The following BPTF variants were observed in gnomAD, a reference collection of about 807,000 sequenced individuals.
BPTF encodes bromodomain PHD finger transcription factor, also known as nucleosome-remodeling factor subunit BPTF.
A neutral mutation model predicts 292.5 loss-of-function variants in BPTF; 18 were observed. That is an observed-to-expected ratio of 0.06 (90% CI 0.04 to 0.09). The LOEUF (loss-of-function observed/expected upper bound fraction) is 0.09. Among genes scored for constraint, BPTF ranks in the 10% least tolerant of loss-of-function variants. The probability of loss-of-function intolerance (pLI) is 1.00; values close to 1 mark genes in which losing one functional copy is unlikely to be tolerated. For synonymous variants in BPTF, 1,225 were observed against 1,251.9 expected (o/e 0.98, Z 0.45); for missense variants, 2,726 against 3,498.7 (o/e 0.78, Z 5.57).
chr17:67,871,549 C>A lies in BPTF; in HGVS notation c.1661-3268C>A, dbSNP rs184621433. Among the ~76,000 whole-genome samples, 5 of 151,392 alleles carry A rather than the reference C, an allele frequency of 3.3e-5. No homozygotes were observed. In the East Asian group the frequency reaches 9.7e-4, roughly 29 times the overall value. ...ATACAGCTTACTATATTTGCTTTAT[C>A]CTATGCCTGTATGGTAATTATGAAA... On this transcript the variant is annotated intron_variant, in intron 3 of 27. Transcript: ENST00000306378.
intron 26 of BPTF, among the ~76,000 whole-genome samples, chr17:67,969,343 T>G (rs1555689408): frequency 6.9e-6 from 1 of 145,298 alleles, no homozygotes; most frequent in Admixed American, 7.2e-5. Context: ...ACCCAGCTAC[T>G]AAGGAGGCTG....
At chr17:67,943,977 A>G (rs1448396409) in intron 19 of BPTF, among the ~76,000 whole-genome samples, 173 bp from the exon 20 acceptor site, 4 of 152,184 alleles carry the variant, frequency 2.6e-5, no homozygotes, top group African/African-American at 9.7e-5. Flanking sequence ...TGTTTTTCCT[A>G]CTAAGCAACA....
chr17:67,865,195 G>T (rs1319920351), intron 2 of BPTF, among the ~76,000 whole-genome samples: 1 of 152,108 alleles, frequency 6.6e-6, no homozygotes, highest in Non-Finnish European at 1.5e-5. Flanking sequence ...TTTGGATCTT[G>T]GAGCATTTTG....
chr17:67,883,316 AAATAATAAT>A (rs147586034), intron 4 of BPTF, among the ~76,000 whole-genome samples: 1 of 151,828 alleles, frequency 6.6e-6, no homozygotes, highest in Non-Finnish European at 1.5e-5. Context: ...ACTCCATCTA[AAATAATAAT>A]AATAATAATA....
intron 20 of BPTF, among the ~76,000 whole-genome samples, chr17:67,945,191 A>G (rs1555673848): frequency 6.6e-6 from 1 of 151,862 alleles, no homozygotes; most frequent in African/African-American, 2.4e-5. Context: ...ATGCTCCACT[A>G]TGCTCAGATA....
chr17:67,946,195 G>T lies in BPTF; in HGVS notation c.7487G>T (p.Ser2496Ile). The change falls in exon 21 of 28, where the codon AGT becomes ATT. Residue 2496 changes from serine to isoleucine, a missense_variant. Physicochemically the swap from Ser to Ile is moderately radical, Grantham distance 142. Coordinates refer to ENST00000306378, the MANE Select transcript of BPTF (RefSeq NM_182641.4). ...IQNVVTVQAA[S>I]VQEQLQRVQQ... is the part of the protein sequence containing the mutation. ...AATGTGGTTACAGTGCAGGCAGCCA[G>T]TGTGCAAGAGCAGTTGCAAAGGGTT... 1 of 1,614,234 alleles carries T rather than the reference G, an allele frequency of 6.2e-7. No homozygotes were observed. Among genetic ancestry groups the T allele is most frequent in the Non-Finnish European group, 8.5e-7 (1 of 1,180,040 alleles).
rs757688706 is a variant in BPTF, at chr17:67,891,866, G to T, written c.1887G>T (p.Lys629Asn). 1.2e-6 allele frequency: 2 copies of T among 1,604,312 alleles called. No individual in the cohort carries two copies. The highest frequency in any genetic ancestry group is 1.1e-5 in the South Asian group (1 of 89,212). Residue 629 changes from lysine to asparagine, a missense_variant, in exon 5 of 28, where the codon AAG (lysine) becomes AAT (asparagine). Coordinates refer to ENST00000306378, the MANE Select transcript of BPTF (RefSeq NM_182641.4). ...KSEVGDFKSE[K>N]SNGELSESPG... ...CAGTAGGTGATTTCAAATCGGAGAA[G>T]TCCAACGGGGAGCTAAGTGAATCTC...
At position 67,825,736 on chromosome 17, in the gene BPTF, G is replaced by A; in HGVS notation, c.12G>A (p.Arg4=). The change falls in exon 1 of 28, where the codon CGG becomes CGA. Residue 4 remains arginine, a synonymous_variant. Transcript: ENST00000306378. The part of the protein sequence containing the change: MRG[R]RGRPPKQPAA... ...GCCTCGGCTCCGACATGAGGGGCCG[G>A]CGGGGCAGGCCGCCCAAGCAGCCCG... 9.6e-7 allele frequency: 1 copy of A among 1,046,090 alleles called. No individual in the cohort carries two copies. Among genetic ancestry groups the A allele is most frequent in the Non-Finnish European group, 1.1e-6 (1 of 871,196 alleles). The allele number at this position is 1,046,090 out of a possible 1,614,324, so 64.8% of individuals were successfully genotyped here.
At chr17:67,827,390 G>C (rs566542522) in intron 1 of BPTF, among the ~76,000 whole-genome samples, 1 of 152,188 alleles carries the variant, frequency 6.6e-6, no homozygotes. Context: ...GGCTGGTGCC[G>C]AGATGCATTT....
intron 2 of BPTF, among the ~76,000 whole-genome samples, chr17:67,856,312 T>A (rs1208489054): frequency 6.6e-6 from 1 of 151,888 alleles, no homozygotes; most frequent in East Asian, 1.9e-4. Flanking sequence ...AATCTTCCTT[T>A]AAAAAAAATA....
At chr17:67,978,098 C>G (rs1290687672) in intron 27 of BPTF, 8 of 151,704 alleles carry the variant, frequency 5.3e-5, no homozygotes, top group African/African-American at 1.9e-4. Flanking sequence ...AGGTGTTCTG[C>G]CCACCTCGGC....
chr17:67,845,714 A>C (rs1441050695), intron 1 of BPTF, among the ~76,000 whole-genome samples: 2 of 152,070 alleles, frequency 1.3e-5, no homozygotes, highest in South Asian at 4.1e-4. Flanking sequence ...GTGAGGCTGC[A>C]GTGAGCTATG....
intron 9 of BPTF, 51 bp from the exon 10 acceptor site, chr17:67,909,531 G>A: frequency 1.6e-6 from 2 of 1,238,874 alleles, no homozygotes; most frequent in East Asian, 2.5e-5. Flanking sequence ...ACATATTAAA[G>A]TGCTAATACT....
At chr17:67,883,302 C>T (rs1341982788) in intron 4 of BPTF, among the ~76,000 whole-genome samples, 4 of 151,950 alleles carry the variant, frequency 2.6e-5, no homozygotes, top group South Asian at 4.1e-4. Flanking sequence ...GGCGACAGAG[C>T]GAGACTCCAT....
At chr17:67,829,202 A>C (rs2056414967) in intron 1 of BPTF, among the ~76,000 whole-genome samples, 1 of 150,924 alleles carries the variant, frequency 6.6e-6, no homozygotes, top group Non-Finnish European at 1.5e-5. Context: ...TTTCATTGCA[A>C]GAGTTACTTT....
chr17:67,926,958 T>G (rs2063963988), intron 15 of BPTF, among the ~76,000 whole-genome samples: 1 of 152,128 alleles, frequency 6.6e-6, no homozygotes, highest in African/African-American at 2.4e-5. Flanking sequence ...AGATGATGTC[T>G]CTAAGAGTTG....
At chr17:67,968,683 G>A (rs1266179608) in intron 26 of BPTF, among the ~76,000 whole-genome samples, 1 of 150,978 alleles carries the variant, frequency 6.6e-6, no homozygotes, top group Non-Finnish European at 1.5e-5. Flanking sequence ...AGCTACTCAG[G>A]AGGCTGAGGC....
chr17:67,918,848 A>T lies in BPTF; in HGVS notation c.5428+10A>T. 1.2e-6 allele frequency: 2 copies of T among 1,611,078 alleles called. No individual in the cohort carries two copies. Among genetic ancestry groups the T allele is most frequent in the Non-Finnish European group, 1.7e-6 (2 of 1,178,144 alleles). On this transcript the variant is annotated intron_variant, in intron 12 of 27. Coordinates refer to ENST00000306378, the MANE Select transcript of BPTF (RefSeq NM_182641.4). ...GGGACTACACGGACAGGTAAGGGGGAAGGGAGTTATTTTCTAATTTAAGTT... is the reference window on the plus strand; with the variant it reads ...GGGACTACACGGACAGGTAAGGGGGTAGGGAGTTATTTTCTAATTTAAGTT...
At chr17:67,827,815 A>G (rs1648435301) in intron 1 of BPTF, among the ~76,000 whole-genome samples, 1 of 152,174 alleles carries the variant, frequency 6.6e-6, no homozygotes, top group Admixed American at 6.5e-5. Context: ...AATCGTTGCC[A>G]GTCTTGTCCG....
Sources: allele counts gnomAD v4.1 joint callset (sites outside exome capture counted in the v4.1 genomes callset), GRCh38; gene constraint gnomAD v4.1.1; transcripts MANE v1.5; gene names NCBI Gene and HGNC (gene_info 2026-07-23, HGNC 2026-07-21).